The following PUS7L variants were observed in gnomAD, a reference collection of about 807,000 sequenced individuals.
The protein encoded by PUS7L is pseudouridylate synthase PUS7L.
PUS7L carries 49 observed loss-of-function variants against 51.1 expected under a neutral mutation model. The observed-to-expected ratio is 0.96, with a 90% CI of 0.76 to 1.22. The LOEUF is 1.22. PUS7L is among the 50% of genes most tolerant of loss of function. The pLI, the probability that PUS7L is intolerant of heterozygous loss-of-function variation, is 0.00. For missense variants in PUS7L, 828 were observed against 820.6 expected, an observed-to-expected ratio of 1.01 and a Z score of -0.11; for synonymous variants, 277 against 276.2, an observed-to-expected ratio of 1.00 and a Z score of -0.03.
rs1207113632 is a variant in PUS7L at position 43,725,783 on chromosome 12, A to G, written c.*4593T>C. On this transcript the variant is annotated 3_prime_UTR_variant, in exon 9 of 9. Transcript: ENST00000344862. ...TTAAGAAGCATAATCAAGCTCAACC[A>G]CACGCTATTTTGTTTGACCTTGATT... The G allele has an allele frequency of 6.6e-6, 1 of 152,166 alleles. No individual in the cohort carries two copies. Among genetic ancestry groups the G allele is most frequent in the African/African-American group, 2.4e-5 (1 of 41,438 alleles). The allele number at this position is 152,166 out of a possible 1,614,324, so 9.4% of individuals were successfully genotyped here.
chr12:43,758,652 T>TGGGGGGGCC, intron 1 of PUS7L, 78 bp downstream of exon 1: 2 of 708,234 alleles, frequency 2.8e-6, no homozygotes, highest in Non-Finnish European at 3.1e-6. Flanking sequence ...GCCAACCTCG[T>TGGGGGGGCC]CACCCCCCCC....
At chr12:43,737,473 A>G (rs1448777838) in intron 6 of PUS7L, among the ~76,000 whole-genome samples, 1 of 151,884 alleles carries the variant, frequency 6.6e-6, no homozygotes. Flanking sequence ...TTGAAAACTG[A>G]CATCCTTTAT....
rs559801668 is a variant in PUS7L at position 43,736,406 on chromosome 12, T to C, written c.1700A>G (p.Asp567Gly). ...GDLVCLDEDIDDENFPNSKIH... is the reference protein window; with the variant it reads ...GDLVCLDEDIGDENFPNSKIH... ...TTTACTATTTGGGAAATTCTCGTCATCAATGTCTTCATCCAAACAGACCAA... is the reference window on the plus strand; with the variant it reads ...TTTACTATTTGGGAAATTCTCGTCACCAATGTCTTCATCCAAACAGACCAA... The change falls in exon 7 of 9, where the codon GAT becomes GGT. Residue 567 changes from aspartate to glycine, a missense_variant. Asp to Gly is a moderately conservative substitution (Grantham distance 94). Transcript: ENST00000344862. 9.5e-5 allele frequency: 154 copies of C among 1,614,064 alleles called. 3 individuals are homozygous for C. In the South Asian group the frequency reaches 1.7e-3, roughly 18 times the overall value.
chr12:43,751,047 T>C (rs1300259645), intron 2 of PUS7L, among the ~76,000 whole-genome samples: 4 of 152,182 alleles, frequency 2.6e-5, no homozygotes, highest in African/African-American at 9.6e-5. Flanking sequence ...CAAATCTTAG[T>C]GGCTTACAAT....
At chr12:43,731,591 C>T (rs1047552501) in intron 8 of PUS7L, 114 bp downstream of exon 8, 23 of 591,238 alleles carry the variant, frequency 3.9e-5, no homozygotes, top group Non-Finnish European at 6.3e-5. Context: ...TAAATTATAC[C>T]TTAATTTAAA....
rs192169017 is a variant in PUS7L at position 43,720,566 on chromosome 12, G to T, written c.*9810C>A. 2.0e-5 allele frequency: 3 copies of T among 152,302 alleles called. No individual in the cohort carries two copies. The highest frequency in any genetic ancestry group is 2.0e-4 in the Admixed American group (3 of 15,302). 9.4% of individuals were successfully genotyped at this position (152,302 alleles called of 1,614,324 possible). On this transcript the variant is annotated 3_prime_UTR_variant, in exon 9 of 9. Transcript: ENST00000344862. ...TTTGTTGTTCATTTCTAGCCTAATT[G>T]TGTTGTGGCAAAAGAATATACTCAT... is the stretch of plus-strand genomic sequence containing the variant.
intron 1 of PUS7L, among the ~76,000 whole-genome samples, chr12:43,756,189 C>A (rs1938692065): frequency 6.6e-6 from 1 of 152,182 alleles, no homozygotes; most frequent in Non-Finnish European, 1.5e-5. Flanking sequence ...GAAATCACTA[C>A]AAATTCTCCA....
chr12:43,758,568 T>C (rs1406728866), intron 1 of PUS7L, 162 bp downstream of exon 1: 9 of 985,052 alleles, frequency 9.1e-6, no homozygotes, highest in Non-Finnish European at 1.1e-5. Context: ...TCCCTCCTCT[T>C]ACTCTGCCTG....
At position 43,728,166 on chromosome 12, in the gene PUS7L, T is replaced by C. The variant is rs1428617844; in HGVS notation, c.*2210A>G. On this transcript the variant is annotated 3_prime_UTR_variant, in exon 9 of 9. Coordinates refer to ENST00000344862, the MANE Select transcript of PUS7L (RefSeq NM_031292.5). ...CAGTTGGTCCAAAGCATACTATTAA[T>C]AATAAAAGTCCTTAAACAAAAAAAG... 6.6e-6 allele frequency: 1 copy of C among 152,070 alleles called. No homozygotes were observed. The highest frequency in any genetic ancestry group is 1.5e-5 in the Non-Finnish European group (1 of 67,974). The allele number at this position is 152,070 out of a possible 1,614,324, so 9.4% of individuals were successfully genotyped here.
chr12:43,748,391 C>T, intron 3 of PUS7L, 59 bp downstream of exon 3: 2 of 1,240,238 alleles, frequency 1.6e-6, no homozygotes, highest in Non-Finnish European at 2.3e-6. Context: ...ACCATTTAGA[C>T]AATTTAAATC....
intron 2 of PUS7L, among the ~76,000 whole-genome samples, chr12:43,750,844 G>T (rs1033819613): frequency 6.6e-6 from 1 of 152,140 alleles, no homozygotes; most frequent in East Asian, 1.9e-4. Context: ...GAGTTAGGAG[G>T]GTAGATATTG....
At chr12:43,754,304 C>T (rs1938585802) in intron 2 of PUS7L, 32 bp downstream of exon 2, 2 of 1,408,724 alleles carry the variant, frequency 1.4e-6, no homozygotes, top group African/African-American at 1.4e-5. Flanking sequence ...CTAAGCTTAT[C>T]CAAGAAAATG....
rs921534160 is a variant in PUS7L at position 43,722,645 on chromosome 12, T to C, written c.*7731A>G. 2 of 152,154 alleles carry C rather than the reference T, an allele frequency of 1.3e-5. No homozygotes were observed. The highest frequency in any genetic ancestry group is 2.9e-5 in the Non-Finnish European group (2 of 67,986). The allele number at this position is 152,154 out of a possible 1,614,324, so 9.4% of individuals were successfully genotyped here. On this transcript the variant is annotated 3_prime_UTR_variant, in exon 9 of 9. Transcript: ENST00000344862. Reference sequence around the variant, plus strand: ...CATTTTATTATAACCTATCATTCATTTTATTATAATGGAATTATAAAGGTT... The same window carrying C: ...CATTTTATTATAACCTATCATTCATCTTATTATAATGGAATTATAAAGGTT...
intron 7 of PUS7L, among the ~76,000 whole-genome samples, chr12:43,735,025 C>T (rs1321863055): frequency 1.3e-5 from 2 of 152,112 alleles, no homozygotes; most frequent in Non-Finnish European, 2.9e-5. Context: ...GAGATAAAAA[C>T]AACTGGATGG....
chr12:43,727,638 C>T lies in PUS7L; in HGVS notation c.*2738G>A, dbSNP rs1944472498. 2 of 152,034 alleles carry T rather than the reference C, an allele frequency of 1.3e-5. No individual in the cohort carries two copies. The highest frequency in any genetic ancestry group is 4.1e-4 in the South Asian group (2 of 4,826). The allele number at this position is 152,034 out of a possible 1,614,324, so 9.4% of individuals were successfully genotyped here. A position where few individuals can be genotyped will look rare whatever the true frequency, so the allele number is the denominator to read the frequency against. The stretch of plus-strand genomic sequence containing the variant: ...ATAAGTGGGAGCTGAACTTTGAGTA[C>T]ACTTGGACTCTAAGAAGGGAACAAT... On this transcript the variant is annotated 3_prime_UTR_variant, in exon 9 of 9. Transcript: ENST00000344862.
At position 43,730,648 on chromosome 12, in the gene PUS7L, G is replaced by A; in HGVS notation, c.1834C>T (p.Gln612Ter). 1 of 1,613,566 alleles carries A rather than the reference G, an allele frequency of 6.2e-7. No homozygotes were observed. Among genetic ancestry groups the A allele is most frequent in the African/African-American group, 1.3e-5 (1 of 75,008 alleles). The change falls in exon 9 of 9, where the codon CAG (glutamine) becomes TAG (stop). Residue 612 changes from glutamine (Q) to a stop codon, truncating the protein, a stop_gained. Coordinates refer to ENST00000344862, the MANE Select transcript of PUS7L (RefSeq NM_031292.5). LOFTEE classifies it low-confidence loss of function (END_TRUNC). The part of the protein sequence containing the change: ...NIQYPKNKVG[Q>*]WYHDILSRDG... ...CTGCTAAGTATGTCATGGTACCACT[G>A]CCCTACTTTGTTCTTCGGGTACTGA...
intron 4 of PUS7L, among the ~76,000 whole-genome samples, chr12:43,745,384 G>C (rs1938114369): frequency 6.6e-6 from 1 of 152,212 alleles, no homozygotes; most frequent in Admixed American, 6.5e-5. Flanking sequence ...GACCCAGTGG[G>C]ATTGAATCAT....
chr12:43,754,830 T>C lies in PUS7L; in HGVS notation c.416A>G (p.Asn139Ser), dbSNP rs754027757. 3 of 1,613,668 alleles carry C rather than the reference T, an allele frequency of 1.9e-6. No individual in the cohort carries two copies. Among genetic ancestry groups the C allele is most frequent in the African/African-American group, 1.3e-5 (1 of 74,918 alleles). ...LDEKTHELLN[N>S]FACDVREKWL... The stretch of plus-strand genomic sequence containing the variant: ...CTTCTCTCTTACATCACAGGCAAAA[T>C]TATTCAGTAACTCATGAGTTTTTTC... The change falls in exon 2 of 9, where the codon AAT (asparagine) becomes AGT (serine). Residue 139 changes from asparagine (N) to serine (S), a missense_variant. Coordinates refer to ENST00000344862, the MANE Select transcript of PUS7L (RefSeq NM_031292.5).
intron 2 of PUS7L, among the ~76,000 whole-genome samples, chr12:43,752,068 G>A (rs1744074294): frequency 6.6e-6 from 1 of 152,072 alleles, no homozygotes; most frequent in South Asian, 2.1e-4. Flanking sequence ...TTGTAAATTT[G>A]TTTGAGTTCT....
Sources: gnomAD v4.1 joint callset for allele counts (sites outside exome capture counted in the v4.1 genomes callset) on GRCh38, gnomAD v4.1.1 for gene constraint, MANE v1.5 for transcripts, NCBI Gene and HGNC (gene_info 2026-07-23, HGNC 2026-07-21) for gene names.